Variants in TSPEAR observed in about 807,000 individuals in gnomAD.
The protein encoded by TSPEAR is thrombospondin type laminin G domain and EAR repeats.
TSPEAR carries 69 observed loss-of-function variants against 71.6 expected under a neutral mutation model. The ratio of observed to expected loss-of-function variants is 0.96; its 90% CI spans 0.79 to 1.18. TSPEAR has a LOEUF of 1.18. TSPEAR is among the 50% of genes most tolerant of loss of function. The pLI is 0.00. For synonymous variants in TSPEAR, 402 were observed against 387.2 expected (o/e 1.04, Z -0.45); for missense variants, 971 against 894.9 (o/e 1.09, Z -1.09).
At chr21:44,702,797 A>T in intron 1 of TSPEAR, 1 of 1,234,204 alleles carries the variant, frequency 8.1e-7, no homozygotes, top group Non-Finnish European at 1.2e-6. Context: ...AAGCCCAGCT[A>T]CTGACGGGCA....
intron 1 of TSPEAR, chr21:44,697,777 C>T: frequency 1.2e-6 from 2 of 1,614,102 alleles, no homozygotes; most frequent in Non-Finnish European, 1.7e-6. Flanking sequence ...GCAGACCCTC[C>T]TCCTCCGTGT....
At position 44,681,794 on chromosome 21, in the gene TSPEAR, C is replaced by T. The variant is rs782215324; in HGVS notation, c.82+29639G>A. The T allele has an allele frequency of 6.3e-6, 10 of 1,577,170 alleles. No individual in the cohort carries two copies. The African/African-American group carries it at 1.1e-4, about 17-fold the overall frequency. On this transcript the variant is annotated intron_variant, in intron 1 of 11. Transcript: ENST00000323084. Reference sequence around the variant, plus strand: ...CATCCAGGGAGTGTACAGGTGTGGCCTCATCTGCACTGGGAGCAGCGGGTC... The same window carrying T: ...CATCCAGGGAGTGTACAGGTGTGGCTTCATCTGCACTGGGAGCAGCGGGTC...
intron 1 of TSPEAR, chr21:44,658,343 T>G: frequency 2.1e-6 from 3 of 1,421,744 alleles, no homozygotes; most frequent in Non-Finnish European, 2.9e-6. Context: ...ACCCCCAGAT[T>G]GCACACATAG....
At chr21:44,598,060 AG>A (rs1203857498) in intron 1 of TSPEAR, among the ~76,000 whole-genome samples, 2 of 152,016 alleles carry the variant, frequency 1.3e-5, no homozygotes, top group Non-Finnish European at 2.9e-5. Context: ...TTTAATTCCT[AG>A]TACCCCCGCC....
chr21:44,600,289 CA>C (rs1555928264), intron 1 of TSPEAR, among the ~76,000 whole-genome samples: 11 of 147,568 alleles, frequency 7.5e-5, no homozygotes, highest in African/African-American at 3.0e-4. Flanking sequence ...GCCCCTGGGA[CA>C]CTCTATTTGC....
rs137966056 is a variant in TSPEAR, at chr21:44,538,683, T to G, written c.304-4760A>C. Among the ~76,000 whole-genome samples the G allele has an allele frequency of 4.9e-3, 747 of 152,156 alleles. 11 individuals carry two copies. The highest frequency in any genetic ancestry group is 0.032 in the East Asian group (165 of 5,160). ...AGCTTCCCGGAAGGTGACCCTGCAG[T>G]GTGGGCTCTCCCAGGTGAGAGAGTG... On this transcript the variant is annotated intron_variant, in intron 2 of 11. Transcript: ENST00000323084.
At chr21:44,608,512 T>C (rs1271276766) in intron 1 of TSPEAR, among the ~76,000 whole-genome samples, 15 of 152,240 alleles carry the variant, frequency 9.9e-5, no homozygotes, top group Admixed American at 9.8e-4. Flanking sequence ...ACTGCATGTA[T>C]ACAACTCATA....
At chr21:44,548,349 G>C (rs925095152) in intron 2 of TSPEAR, among the ~76,000 whole-genome samples, 2 of 152,214 alleles carry the variant, frequency 1.3e-5, no homozygotes, top group African/African-American at 2.4e-5. Context: ...ATTGGGTTGT[G>C]CTGCTTTTTC....
At chr21:44,626,440 G>A (rs587646949) in intron 1 of TSPEAR, among the ~76,000 whole-genome samples, 4 of 152,216 alleles carry the variant, frequency 2.6e-5, no homozygotes, top group Non-Finnish European at 5.9e-5. Flanking sequence ...AGTGGCGAGG[G>A]CTGGCGGCTG....
At chr21:44,509,093 C>T (rs2052281501) in intron 10 of TSPEAR, 106 bp downstream of exon 10, 2 of 1,398,952 alleles carry the variant, frequency 1.4e-6, no homozygotes, top group African/African-American at 1.4e-5. Context: ...GTCCCCAGGC[C>T]AGTCTTTCCA....
At chr21:44,579,750 C>T (rs1555924537) in intron 1 of TSPEAR, 5 of 1,606,114 alleles carry the variant, frequency 3.1e-6, no homozygotes, top group African/African-American at 1.3e-5. Flanking sequence ...GACTCCTGGC[C>T]TGAGCAGAGG....
chr21:44,538,736 C>G (rs587679004), intron 2 of TSPEAR, among the ~76,000 whole-genome samples: 1 of 152,108 alleles, frequency 6.6e-6, no homozygotes, highest in African/African-American at 2.4e-5. Flanking sequence ...GCCTGGAGAG[C>G]CCCACAGCCC....
intron 2 of TSPEAR, among the ~76,000 whole-genome samples, chr21:44,542,742 T>TAAAAAAAAAAAAAAAAAAAAAAAA: frequency 1.7e-5 from 2 of 120,026 alleles, no homozygotes; most frequent in East Asian, 4.6e-4. Flanking sequence ...AGAGACCTGT[T>TAAAAAAAAAAAAAAAAAAAAAAAA]AAAAAAAAAA....
intron 9 of TSPEAR, among the ~76,000 whole-genome samples, chr21:44,511,432 A>C (rs782738924): frequency 2.0e-5 from 3 of 152,234 alleles, no homozygotes; most frequent in Admixed American, 2.0e-4. Context: ...ATGTGGATAC[A>C]CATGCAGATA....
At chr21:44,701,969 C>T (rs1987669729) in intron 1 of TSPEAR, among the ~76,000 whole-genome samples, 1 of 152,154 alleles carries the variant, frequency 6.6e-6, no homozygotes, top group Non-Finnish European at 1.5e-5. Context: ...CCCTGTTTTC[C>T]TTCCGTGAGA....
At position 44,509,672 on chromosome 21, in the gene TSPEAR, C is replaced by T. The variant is rs776121979; in HGVS notation, c.1567-286G>A. On this transcript the variant is annotated intron_variant, in intron 9 of 11. Coordinates refer to ENST00000323084, the MANE Select transcript of TSPEAR (RefSeq NM_144991.3). ...TGGGATCTTGGCACAGCCCAGTGCC[C>T]GCTGTGCTCCAGGTGCCAGACGTGG... 4.9e-4 allele frequency among the ~76,000 whole-genome samples: 75 copies of T among 152,150 alleles called. 1 individual carries two copies. Among genetic ancestry groups the T allele is most frequent in the Non-Finnish European group, 9.4e-4 (64 of 67,998 alleles).
chr21:44,594,728 T>G (rs1178600665), intron 1 of TSPEAR, among the ~76,000 whole-genome samples: 4 of 152,110 alleles, frequency 2.6e-5, no homozygotes, highest in Non-Finnish European at 4.4e-5. Flanking sequence ...GGCCAGAGGC[T>G]GTGCTTCCCG....
chr21:44,600,433 G>A (rs1041762136), intron 1 of TSPEAR, among the ~76,000 whole-genome samples: 9 of 152,224 alleles, frequency 5.9e-5, no homozygotes, highest in East Asian at 1.9e-4. Flanking sequence ...CATGAAACTC[G>A]CACTAATAAG....
At chr21:44,645,823 C>G (rs887660599) in intron 1 of TSPEAR, among the ~76,000 whole-genome samples, 2 of 151,968 alleles carry the variant, frequency 1.3e-5, no homozygotes, top group Non-Finnish European at 2.9e-5. Flanking sequence ...TCTCTAAAAC[C>G]TCAACTCAAC....
Sources: gnomAD v4.1 joint callset for allele counts (sites outside exome capture counted in the v4.1 genomes callset) on GRCh38, gnomAD v4.1.1 for gene constraint, MANE v1.5 for transcripts, NCBI Gene and HGNC (gene_info 2026-07-23, HGNC 2026-07-21) for gene names.